The following RABEP1 variants were observed in gnomAD, a reference collection of about 807,000 sequenced individuals.
RABEP1 encodes the protein rab GTPase-binding effector protein 1.
Under a neutral mutation model 123.4 loss-of-function variants are expected in RABEP1, and 51 were observed. That is an observed-to-expected ratio of 0.41 (90% CI 0.33 to 0.52). The LOEUF (loss-of-function observed/expected upper bound fraction) is 0.52. RABEP1 is among the 20% of genes least tolerant of loss of function. The pLI is 0.16. For missense variants in RABEP1, 888 were observed against 996.3 expected (o/e 0.89, Z 1.46); for synonymous variants, 347 against 355.2 (o/e 0.98, Z 0.26).
intron 1 of RABEP1, among the ~76,000 whole-genome samples, chr17:5,284,658 G>T (rs948610708): frequency 6.6e-6 from 1 of 151,936 alleles, no homozygotes; most frequent in Non-Finnish European, 1.5e-5. Context: ...TAGATACGGC[G>T]TTTTGCCATG....
At chr17:5,355,270 C>G (rs9893224) in intron 8 of RABEP1, among the ~76,000 whole-genome samples, 3,300 of 152,308 alleles carry the variant, frequency 0.022, 121 homozygotes, top group African/African-American at 0.076. Flanking sequence ...TCATCTTGGG[C>G]TGTATTCCCA....
chr17:5,379,046 T>C (rs545244745), intron 15 of RABEP1, among the ~76,000 whole-genome samples: 1 of 152,294 alleles, frequency 6.6e-6, no homozygotes, highest in Non-Finnish European at 1.5e-5. Context: ...ATGCTCAAGC[T>C]GCCAGATGGG....
At chr17:5,364,694 C>T (rs1026867115) in intron 10 of RABEP1, among the ~76,000 whole-genome samples, 3 of 139,200 alleles carry the variant, frequency 2.2e-5, no homozygotes, top group African/African-American at 8.2e-5. Flanking sequence ...GATTGCAGAG[C>T]GAGAGACTCT....
chr17:5,306,273 A>G (rs1338299187), intron 1 of RABEP1, among the ~76,000 whole-genome samples: 1 of 152,182 alleles, frequency 6.6e-6, no homozygotes, highest in Non-Finnish European at 1.5e-5. Context: ...TGTAAATTTC[A>G]GAAGGTTTAA....
chr17:5,313,939 T>C (rs1048919155), intron 2 of RABEP1, among the ~76,000 whole-genome samples: 1 of 152,220 alleles, frequency 6.6e-6, no homozygotes. Flanking sequence ...GCAGCTTTTA[T>C]TGTATCTACT....
intron 1 of RABEP1, among the ~76,000 whole-genome samples, chr17:5,297,396 G>C (rs2075093416): frequency 6.6e-6 from 1 of 152,074 alleles, no homozygotes; most frequent in Non-Finnish European, 1.5e-5. Context: ...CATAAAAGAA[G>C]AACATCCCTA....
At chr17:5,341,640 C>T (rs1907620557) in intron 5 of RABEP1, among the ~76,000 whole-genome samples, 1 of 152,054 alleles carries the variant, frequency 6.6e-6, no homozygotes, top group Non-Finnish European at 1.5e-5. Flanking sequence ...AGTGAGCAAA[C>T]ACATAGAAAG....
At chr17:5,313,240 A>G (rs2075262481) in intron 2 of RABEP1, among the ~76,000 whole-genome samples, 1 of 152,196 alleles carries the variant, frequency 6.6e-6, no homozygotes, top group Non-Finnish European at 1.5e-5. Flanking sequence ...TCTTGTCAAG[A>G]TGACCTGTAA....
Position 5,350,624 on chromosome 17 carries a change from G to T in RABEP1, c.958G>T (p.Asp320Tyr). 6.2e-7 allele frequency: 1 copy of T among 1,613,734 alleles called. No individual in the cohort carries two copies. Among genetic ancestry groups the T allele is most frequent in the Non-Finnish European group, 8.5e-7 (1 of 1,179,908 alleles). The stretch of plus-strand genomic sequence containing the variant: ...ACAAGTTGAAGAACTGAAGAAGAAA[G>T]ATCAGGTGAATAGAAGTTTTTAGGA... ...LRQVEELKKK[D>Y]QEDDEQQRLN... The change falls in exon 7 of 18, where the codon GAT becomes TAT. Residue 320 changes from aspartate to tyrosine, a missense_variant. Physicochemically the swap from Asp to Tyr is radical, Grantham distance 160. Transcript: ENST00000537505.
At chr17:5,347,465 C>T (rs1908165601) in intron 6 of RABEP1, among the ~76,000 whole-genome samples, 1 of 151,984 alleles carries the variant, frequency 6.6e-6, no homozygotes, top group African/African-American at 2.4e-5. Context: ...CATCACCAGG[C>T]GTGAGCTCTG....
At chr17:5,358,959 T>C (rs1250515891) in intron 8 of RABEP1, among the ~76,000 whole-genome samples, 1 of 152,086 alleles carries the variant, frequency 6.6e-6, no homozygotes, top group Non-Finnish European at 1.5e-5. Flanking sequence ...AGGAGTTCTC[T>C]CTATGTTGCC....
intron 14 of RABEP1, 63 bp downstream of exon 14, chr17:5,377,368 C>A: frequency 2.3e-6 from 3 of 1,314,658 alleles, no homozygotes; most frequent in Non-Finnish European, 3.1e-6. Context: ...GTAAAAGAAG[C>A]AATACATGGC....
chr17:5,346,970 A>G, intron 6 of RABEP1, 45 bp downstream of exon 6: 2 of 1,455,300 alleles, frequency 1.4e-6, no homozygotes, highest in South Asian at 2.8e-5. Context: ...AGAACCATAT[A>G]AGTTAAATTG....
At chr17:5,359,478 G>A (rs1027376145) in intron 8 of RABEP1, among the ~76,000 whole-genome samples, 3 of 152,024 alleles carry the variant, frequency 2.0e-5, no homozygotes, top group Admixed American at 1.3e-4. Context: ...TGGGTGTTAG[G>A]GTTATTTGTA....
intron 1 of RABEP1, among the ~76,000 whole-genome samples, chr17:5,295,518 G>A (rs770129608): frequency 2.0e-5 from 3 of 151,550 alleles, no homozygotes; most frequent in Non-Finnish European, 4.4e-5. Flanking sequence ...AGGACACTGC[G>A]GCAAACATCC....
At chr17:5,373,693 A>C (rs1472127693) in intron 13 of RABEP1, among the ~76,000 whole-genome samples, 1 of 135,254 alleles carries the variant, frequency 7.4e-6, no homozygotes, top group Non-Finnish European at 1.6e-5. Context: ...ACACCAGCTA[A>C]ACACACACAC....
At chr17:5,358,894 G>A (rs2144668214) in intron 8 of RABEP1, among the ~76,000 whole-genome samples, 1 of 152,178 alleles carries the variant, frequency 6.6e-6, no homozygotes, top group Middle Eastern at 3.4e-3. Flanking sequence ...CTGAGTAGCT[G>A]AGACTACAGG....
chr17:5,334,607 C>G (rs1906882907), intron 3 of RABEP1, among the ~76,000 whole-genome samples: 1 of 152,148 alleles, frequency 6.6e-6, no homozygotes, highest in Non-Finnish European at 1.5e-5. Flanking sequence ...TTCAAGTGAT[C>G]TGCCCGTCTG....
At chr17:5,285,350 T>C (rs2074968101) in intron 1 of RABEP1, among the ~76,000 whole-genome samples, 3 of 151,738 alleles carry the variant, frequency 2.0e-5, no homozygotes, top group Admixed American at 2.0e-4. Context: ...CCCAGTCTGG[T>C]CTTGAACCCC....
Sources: gnomAD v4.1 joint callset for allele counts (sites outside exome capture counted in the v4.1 genomes callset) on GRCh38, gnomAD v4.1.1 for gene constraint, MANE v1.5 for transcripts, NCBI Gene and HGNC (gene_info 2026-07-23, HGNC 2026-07-21) for gene names.